ATP13A4: variants seen among roughly 807,000 people sequenced by gnomAD.
ATP13A4 encodes the protein probable cation-transporting ATPase 13A4.
A neutral mutation model predicts 142.5 loss-of-function variants in ATP13A4; 114 were observed. That is an observed-to-expected ratio of 0.80 (90% confidence interval 0.69 to 0.93). The LOEUF is 0.93. ATP13A4 is among the 40% of genes least tolerant of loss of function. The pLI is 0.00. For synonymous variants in ATP13A4, 488 were observed against 514.8 expected, an observed-to-expected ratio of 0.95 and a Z score of 0.70; for missense variants, 1,392 against 1,454.0, an observed-to-expected ratio of 0.96 and a Z score of 0.69.
At chr3:193,516,990 C>T (rs1035760267) in intron 1 of ATP13A4, among the ~76,000 whole-genome samples, 1 of 152,136 alleles carries the variant, frequency 6.6e-6, no homozygotes, top group Admixed American at 6.5e-5. Context: ...ACTTATTGGG[C>T]ACTTAATAGC....
Position 193,591,087 on chromosome 3 carries a change from G to A in ATP13A4, n.91+1934C>T, listed in dbSNP as rs138400014. ...TTTTTTGCTTGTTTGTTTTTGAGAC[G>A]GAGTCTCGATCTGTCGCTCAGGCTG... On this transcript the variant is annotated intron_variant and non_coding_transcript_variant, in intron 1 of 3. Transcript: ENST00000489140. 5.7e-3 allele frequency among the ~76,000 whole-genome samples: 872 copies of A among 152,258 alleles called. 12 individuals carry two copies. The highest frequency in any genetic ancestry group is 0.019 in the African/African-American group (773 of 41,538).
chr3:193,542,582 T>C (rs878927326), intron 1 of ATP13A4, among the ~76,000 whole-genome samples: 2 of 151,858 alleles, frequency 1.3e-5, no homozygotes, highest in Non-Finnish European at 2.9e-5. Context: ...CAAACTATAC[T>C]ACAAGTCTGC....
chr3:193,472,632 A>T (rs144418047), intron 8 of ATP13A4, among the ~76,000 whole-genome samples: 2 of 152,336 alleles, frequency 1.3e-5, no homozygotes, highest in African/African-American at 4.8e-5. Flanking sequence ...TCAAACTGCA[A>T]ACGTTACAAC....
In ATP13A4 at chr3:193,473,378, C is replaced by A. The variant is rs6798774; in HGVS notation, c.809-2385G>T. On this transcript the variant is annotated intron_variant, in intron 8 of 29. Transcript: ENST00000342695. ...AAGGAGAAGAGACAGGTTTTCCTTG[C>A]AGCAAAATGGCAACTAATTAATGTA... Among the ~76,000 whole-genome samples, 826 of 152,212 alleles carry A rather than the reference C, an allele frequency of 5.4e-3. 5 individuals carry two copies. Among genetic ancestry groups the A allele is most frequent in the African/African-American group, 0.019 (790 of 41,546 alleles).
intron 24 of ATP13A4, 119 bp downstream of exon 24, chr3:193,435,529 G>C: frequency 1.2e-6 from 1 of 839,424 alleles, no homozygotes; most frequent in Non-Finnish European, 2.1e-6. Flanking sequence ...ATTTTTGGAG[G>C]GGCTGTTGTT....
chr3:193,469,251 A>G (rs1718476123), intron 9 of ATP13A4, among the ~76,000 whole-genome samples: 1 of 152,194 alleles, frequency 6.6e-6, no homozygotes, highest in Non-Finnish European at 1.5e-5. Context: ...ATTATCTTAG[A>G]AAGTTATAGA....
intron 1 of ATP13A4, among the ~76,000 whole-genome samples, chr3:193,582,245 T>C (rs1577089814): frequency 6.7e-6 from 1 of 148,156 alleles, no homozygotes; most frequent in Non-Finnish European, 1.5e-5. Flanking sequence ...CCCTCCAGGG[T>C]TCAAATGATT....
chr3:193,568,150 G>A (rs7614017), intron 2 of ATP13A4, among the ~76,000 whole-genome samples: 4,302 of 151,962 alleles, frequency 0.028, 183 homozygotes, highest in African/African-American at 0.092. Flanking sequence ...TAGTAGAGAC[G>A]GGTTTTCACC....
intron 7 of ATP13A4, among the ~76,000 whole-genome samples, chr3:193,485,502 C>G (rs1321609519): frequency 2.0e-5 from 3 of 152,120 alleles, no homozygotes; most frequent in Non-Finnish European, 4.4e-5. Context: ...CGTCCAGAGG[C>G]TGAGTGGTGT....
intron 28 of ATP13A4, among the ~76,000 whole-genome samples, chr3:193,408,699 G>A (rs903048467): frequency 6.6e-6 from 1 of 152,146 alleles, no homozygotes; most frequent in Non-Finnish European, 1.5e-5. Flanking sequence ...TCATTCCTAC[G>A]AGACGTAGAA....
At chr3:193,513,400 C>A (rs899086653) in intron 2 of ATP13A4, among the ~76,000 whole-genome samples, 2 of 152,150 alleles carry the variant, frequency 1.3e-5, no homozygotes, top group African/African-American at 4.8e-5. Context: ...GGTTGTCATT[C>A]GGGGCCATGG....
intron 26 of ATP13A4, among the ~76,000 whole-genome samples, chr3:193,413,710 G>C (rs1330805583): frequency 6.6e-6 from 1 of 151,830 alleles, no homozygotes; most frequent in Non-Finnish European, 1.5e-5. Context: ...TATTAGGATG[G>C]GGGAAAAAAC....
intron 1 of ATP13A4, among the ~76,000 whole-genome samples, chr3:193,585,058 C>A (rs960110755): frequency 1.3e-5 from 2 of 152,164 alleles, no homozygotes; most frequent in Non-Finnish European, 2.9e-5. Context: ...AGGCTGCATG[C>A]GGCCCAGGAT....
intron 3 of ATP13A4, among the ~76,000 whole-genome samples, chr3:193,496,988 G>A (rs953309886): frequency 3.3e-5 from 5 of 151,994 alleles, no homozygotes; most frequent in Non-Finnish European, 7.4e-5. Flanking sequence ...TAGGGGAAAC[G>A]TTTCATGACA....
intron 8 of ATP13A4, among the ~76,000 whole-genome samples, chr3:193,472,133 T>C (rs1391992099): frequency 6.6e-6 from 1 of 152,176 alleles, no homozygotes; most frequent in African/African-American, 2.4e-5. Flanking sequence ...AGTACAGTAG[T>C]CTCCTTTGAT....
In ATP13A4 at chr3:193,399,704, C is replaced by T. The variant is rs1365891390; in HGVS notation, c.*2948G>A. ...TCTACTAAAAATACAAAAAATTAGC[C>T]GGGCATGGTGGCAGACCTGTAGTCC... is the stretch of plus-strand genomic sequence containing the variant. On this transcript the variant is annotated 3_prime_UTR_variant, in exon 30 of 30. Transcript: ENST00000342695. Among the ~76,000 whole-genome samples the T allele has an allele frequency of 1.3e-5, 2 of 151,870 alleles. No individual in the cohort carries two copies. Among genetic ancestry groups the T allele is most frequent in the Admixed American group, 6.6e-5 (1 of 15,234 alleles).
At chr3:193,586,168 AT>A (rs1724667162) in intron 1 of ATP13A4, among the ~76,000 whole-genome samples, 1 of 152,078 alleles carries the variant, frequency 6.6e-6, no homozygotes. Context: ...ATTTTTGCCC[AT>A]TTTTAAATGG....
chr3:193,566,654 C>T (rs1046318502), intron 2 of ATP13A4, among the ~76,000 whole-genome samples: 5 of 152,182 alleles, frequency 3.3e-5, no homozygotes, highest in African/African-American at 1.2e-4. Context: ...TAACAGTTGC[C>T]TCACCATTCC....
chr3:193,592,409 TGGGAGCAGCAGTTCCA>T (rs1024298421), intron 1 of ATP13A4, among the ~76,000 whole-genome samples: 2 of 152,068 alleles, frequency 1.3e-5, no homozygotes, highest in African/African-American at 4.8e-5. Flanking sequence ...CAAAGAAGCC[TGGGAGCAGCAGTTCCA>T]GGGAAAAAGG....
Sources: gnomAD v4.1 joint callset for allele counts (sites outside exome capture counted in the v4.1 genomes callset) on GRCh38, gnomAD v4.1.1 for gene constraint, MANE v1.5 for transcripts, NCBI Gene and HGNC (gene_info 2026-07-23, HGNC 2026-07-21) for gene names.